Variants in WNT2 observed in about 807,000 individuals in gnomAD.
The protein encoded by WNT2 is Wnt family member 2.
A neutral mutation model predicts 36.9 loss-of-function variants in WNT2; 12 were observed. The observed-to-expected ratio is 0.33, with a 90% CI of 0.21 to 0.53. The LOEUF is 0.53. WNT2 is among the 20% of genes least tolerant of loss of function. WNT2 has a pLI of 0.95. For synonymous variants in WNT2, 163 were observed against 174.6 expected, an observed-to-expected ratio of 0.93 and a Z score of 0.52; for missense variants, 379 against 473.1, an observed-to-expected ratio of 0.80 and a Z score of 1.84.
At chr7:117,315,463 C>A (rs1426427983) in intron 2 of WNT2, 115 bp from the exon 3 acceptor site, 5 of 1,089,662 alleles carry the variant, frequency 4.6e-6, no homozygotes, top group Non-Finnish European at 6.4e-6. Context: ...CACTAGACAA[C>A]AAGGTACTGA....
In WNT2 at chr7:117,313,247, T is replaced by C. The variant is rs184619399; in HGVS notation, c.588+1824A>G. ...AGAGACGCATGTTTATCTCAATACA[T>C]TTACTCTCATTAAAGTTCATATTCA... On this transcript the variant is annotated intron_variant, in intron 3 of 4. Transcript: ENST00000265441. 5.1e-4 allele frequency among the ~76,000 whole-genome samples: 77 copies of C among 152,316 alleles called. 2 individuals carry two copies. The East Asian group carries it at 0.013, about 26-fold the overall frequency.
chr7:117,311,764 T>G (rs1795126294), intron 3 of WNT2, among the ~76,000 whole-genome samples: 3 of 152,180 alleles, frequency 2.0e-5, no homozygotes, highest in Non-Finnish European at 4.4e-5. Context: ...GAACTTTTAT[T>G]AAGCATCTAT....
chr7:117,294,553 T>A (rs1468587440), intron 4 of WNT2, among the ~76,000 whole-genome samples: 9 of 143,856 alleles, frequency 6.3e-5, no homozygotes, highest in African/African-American at 2.1e-4. Flanking sequence ...AATCTAGGAA[T>A]CTTACTGGAA....
At chr7:117,297,908 G>A (rs753070377) in intron 3 of WNT2, 32 bp from the exon 4 acceptor site, 9 of 1,581,446 alleles carry the variant, frequency 5.7e-6, no homozygotes, top group African/African-American at 1.3e-5. Flanking sequence ...AGTTCAGTGA[G>A]GTTCGAGCAG....
At chr7:117,280,965 T>C (rs1176262283) in intron 4 of WNT2, among the ~76,000 whole-genome samples, 10 of 152,220 alleles carry the variant, frequency 6.6e-5, no homozygotes, top group Admixed American at 6.5e-4. Context: ...GAGCCAAGCA[T>C]ATTATAATAG....
chr7:117,315,265 C>A lies in WNT2; in HGVS notation c.394G>T (p.Val132Leu), dbSNP rs769771769. The A allele has an allele frequency of 6.2e-7, 1 of 1,614,208 alleles. No homozygotes were observed. ...AITRACSQGEVKSCSCDPKKM... is the reference protein window; with the variant it reads ...AITRACSQGELKSCSCDPKKM... ...TTTGGATCACAGGAACAGGATTTTA[C>A]TTCTCCTTGGCTACAGGCCCTGGTG... Residue 132 changes from valine (V) to leucine (L), a missense_variant, in exon 3 of 5, where the codon GTA becomes TTA. Coordinates refer to ENST00000265441, the MANE Select transcript of WNT2 (RefSeq NM_003391.3).
In WNT2 at chr7:117,295,408, G is replaced by T. The variant is rs147098402; in HGVS notation, c.853+2204C>A. ...AAAGAGAATTTCTTTCTAATACAAA[G>T]AGTTGAAAAAGCGGAGTACGCAAGA... On this transcript the variant is annotated intron_variant, in intron 4 of 4. Transcript: ENST00000265441. Among the ~76,000 whole-genome samples, 434 of 152,346 alleles carry T rather than the reference G, an allele frequency of 2.8e-3. 3 individuals are homozygous for T. Among genetic ancestry groups the T allele is most frequent in the African/African-American group, 9.9e-3 (412 of 41,590 alleles).
chr7:117,311,302 A>G (rs542867290), intron 3 of WNT2, among the ~76,000 whole-genome samples: 3 of 152,372 alleles, frequency 2.0e-5, no homozygotes, highest in African/African-American at 7.2e-5. Flanking sequence ...CAAAGGTAGT[A>G]GCTGCTGGTT....
At chr7:117,291,663 A>G (rs1272246538) in intron 4 of WNT2, among the ~76,000 whole-genome samples, 1 of 152,230 alleles carries the variant, frequency 6.6e-6, no homozygotes, top group Non-Finnish European at 1.5e-5. Flanking sequence ...GCGAGTAATT[A>G]TAGTTGAACC....
intron 3 of WNT2, among the ~76,000 whole-genome samples, chr7:117,311,603 G>C (rs1488898539): frequency 8.5e-5 from 13 of 152,110 alleles, no homozygotes; most frequent in African/African-American, 2.9e-4. Flanking sequence ...CTATATGCTT[G>C]GTTTTATTAG....
chr7:117,288,272 T>A (rs1794622406), intron 4 of WNT2, among the ~76,000 whole-genome samples: 1 of 152,214 alleles, frequency 6.6e-6, no homozygotes, highest in Non-Finnish European at 1.5e-5. Flanking sequence ...ATTCATTCAC[T>A]TACTGAATCA....
In WNT2 at chr7:117,320,789, T is replaced by C. The variant is rs895560180; in HGVS notation, c.88A>G (p.Met30Val). The change falls in exon 2 of 5, where the codon ATG becomes GTG. Residue 30 changes from methionine to valine, a missense_variant. By Grantham distance (21) the Met-to-Val change is conservative. Coordinates refer to ENST00000265441, the MANE Select transcript of WNT2 (RefSeq NM_003391.3). ...TPEVNSSWWY[M>V]RATGGSSRVM... ...CTGGAGGAGCCACCTGTAGCTCTCA[T>C]GTACCTATAAGGGACCAACCAACAC... 6.2e-7 allele frequency: 1 copy of C among 1,608,744 alleles called. No homozygotes were observed.
intron 4 of WNT2, among the ~76,000 whole-genome samples, chr7:117,290,816 C>G (rs1368141319): frequency 6.6e-6 from 1 of 152,212 alleles, no homozygotes; most frequent in Non-Finnish European, 1.5e-5. Flanking sequence ...TTTCCTCAAT[C>G]CTGCGTTCCC....
At chr7:117,297,118 A>G (rs1224936520) in intron 4 of WNT2, among the ~76,000 whole-genome samples, 2 of 152,174 alleles carry the variant, frequency 1.3e-5, no homozygotes, top group Non-Finnish European at 2.9e-5. Flanking sequence ...GAATTTTGCT[A>G]ATCTGCGTAT....
In WNT2 at chr7:117,289,720, G is replaced by A. The variant is rs149719004; in HGVS notation, c.853+7892C>T. Among the ~76,000 whole-genome samples the A allele has an allele frequency of 2.9e-3, 447 of 152,298 alleles. 3 individuals are homozygous for A. The highest frequency in any genetic ancestry group is 9.7e-3 in the African/African-American group (403 of 41,554). On this transcript the variant is annotated intron_variant, in intron 4 of 4. Transcript: ENST00000265441. The stretch of plus-strand genomic sequence containing the variant: ...GAGCAAGGCAGATACAGTTCCTGCC[G>A]TCACAGGATCCTCAGTGGACTCCAT...
intron 4 of WNT2, among the ~76,000 whole-genome samples, chr7:117,293,129 A>G (rs1448040504): frequency 6.6e-6 from 1 of 152,096 alleles, no homozygotes; most frequent in Non-Finnish European, 1.5e-5. Flanking sequence ...AAAATGATGA[A>G]AAACAGAGAA....
intron 2 of WNT2, among the ~76,000 whole-genome samples, chr7:117,316,290 A>G (rs1406006097): frequency 6.6e-6 from 1 of 152,236 alleles, no homozygotes; most frequent in African/African-American, 2.4e-5. Flanking sequence ...GTAGTAACTC[A>G]TAACACGGTG....
chr7:117,314,435 T>A (rs1480535597), intron 3 of WNT2, among the ~76,000 whole-genome samples: 2 of 152,218 alleles, frequency 1.3e-5, no homozygotes, highest in African/African-American at 4.8e-5. Context: ...ATTTAACAAA[T>A]GATGGTTAAA....
chr7:117,280,766 CAT>C (rs1463473289), intron 4 of WNT2, among the ~76,000 whole-genome samples: 2 of 152,176 alleles, frequency 1.3e-5, no homozygotes, highest in Non-Finnish European at 2.9e-5. Context: ...TTGGTGAGAA[CAT>C]AATGAGATAG....
Sources: gnomAD v4.1 joint callset for allele counts (sites outside exome capture counted in the v4.1 genomes callset) on GRCh38, gnomAD v4.1.1 for gene constraint, MANE v1.5 for transcripts, NCBI Gene and HGNC (gene_info 2026-07-23, HGNC 2026-07-21) for gene names.